The following FHIP1A variants were observed in gnomAD, a reference collection of about 807,000 sequenced individuals.
FHIP1A encodes FHF complex subunit HOOK interacting protein 1A, also known as FHF complex subunit HOOK-interacting protein 1A.
FHIP1A carries 61 observed loss-of-function variants against 88.6 expected under a neutral mutation model. The ratio of observed to expected loss-of-function variants is 0.69; its 90% CI spans 0.56 to 0.85. The LOEUF (loss-of-function observed/expected upper bound fraction) is 0.85, where lower values mean the gene tolerates loss of function less well. Ranked by LOEUF, FHIP1A falls within the 40% of genes least tolerant of loss-of-function variation. The pLI is 0.00. For synonymous variants in FHIP1A, 478 were observed against 496.0 expected (o/e 0.96, Z 0.48); for missense variants, 1,154 against 1,273.5 (o/e 0.91, Z 1.43).
chr4:151,455,466 T>G (rs1481348139), intron 2 of FHIP1A, among the ~76,000 whole-genome samples: 1 of 152,216 alleles, frequency 6.6e-6, no homozygotes, highest in African/African-American at 2.4e-5. Context: ...CTCTTTGTAA[T>G]AGTGAGGCTG....
At chr4:151,486,967 TA>T (rs72527669) in intron 3 of FHIP1A, among the ~76,000 whole-genome samples, 152 of 143,918 alleles carry the variant, frequency 1.1e-3, no homozygotes, top group Admixed American at 1.5e-3. Flanking sequence ...AAACTCCATT[TA>T]AAAAAAAAAA....
intron 2 of FHIP1A, among the ~76,000 whole-genome samples, chr4:151,468,038 A>C (rs1193960105): frequency 1.3e-5 from 2 of 151,190 alleles, no homozygotes; most frequent in African/African-American, 2.4e-5. Context: ...TAATCCCAGC[A>C]CTTGGGGAGG....
rs536906252 is a variant in FHIP1A at position 151,549,985 on chromosome 4, T to A, written c.-122-16153T>A. ...TTTTGTAATCAGAAGACTTGAAAAA[T>A]CTTTAAAAAGGGTTTATTTTTGAAA... is the stretch of plus-strand genomic sequence containing the variant. On this transcript the variant is annotated intron_variant, in intron 3 of 13. Coordinates refer to ENST00000435205, the MANE Select transcript of FHIP1A (RefSeq NM_001109977.3). 6.6e-5 allele frequency among the ~76,000 whole-genome samples: 10 copies of A among 152,298 alleles called. No individual in the cohort carries two copies. In the South Asian group the frequency reaches 1.9e-3, roughly 28 times the overall value.
chr4:151,426,711 T>A (rs1240745285), intron 1 of FHIP1A, among the ~76,000 whole-genome samples: 1 of 152,166 alleles, frequency 6.6e-6, no homozygotes, highest in African/African-American at 2.4e-5. Context: ...TCATAAAATG[T>A]CCTAATGAGC....
At chr4:151,635,557 A>G (rs1313087589) in intron 8 of FHIP1A, among the ~76,000 whole-genome samples, 1 of 151,922 alleles carries the variant, frequency 6.6e-6, no homozygotes, top group African/African-American at 2.4e-5. Flanking sequence ...CTTAAAAAAA[A>G]GAAGGAAATC....
chr4:151,533,596 G>T (rs939187440), intron 3 of FHIP1A, among the ~76,000 whole-genome samples: 16 of 152,288 alleles, frequency 1.1e-4, no homozygotes, highest in African/African-American at 3.9e-4. Flanking sequence ...CATAACATGT[G>T]ACCAGGCCTA....
At chr4:151,622,934 T>G (rs576742339) in intron 7 of FHIP1A, among the ~76,000 whole-genome samples, 3 of 152,308 alleles carry the variant, frequency 2.0e-5, no homozygotes, top group African/African-American at 4.8e-5. Context: ...TATACTCTAA[T>G]AAATTATATC....
At chr4:151,545,790 C>T (rs530869214) in intron 3 of FHIP1A, among the ~76,000 whole-genome samples, 16 of 152,030 alleles carry the variant, frequency 1.1e-4, no homozygotes, top group Non-Finnish European at 1.6e-4. Flanking sequence ...TTAAAATTTC[C>T]CTATTAAAAA....
At chr4:151,539,353 A>T (rs896980030) in intron 3 of FHIP1A, among the ~76,000 whole-genome samples, 7 of 152,086 alleles carry the variant, frequency 4.6e-5, no homozygotes, top group Admixed American at 3.3e-4. Flanking sequence ...AGGCTGAGGC[A>T]GGTGGATCAT....
intron 3 of FHIP1A, among the ~76,000 whole-genome samples, chr4:151,552,356 A>G (rs765906940): frequency 4.6e-5 from 7 of 152,188 alleles, no homozygotes; most frequent in Non-Finnish European, 8.8e-5. Context: ...AAATCATGCT[A>G]CTATAAAGTC....
In FHIP1A at chr4:151,656,747, C is replaced by T. The variant is rs547714354; in HGVS notation, c.2731-13C>T. ...TGGTGAGGCATTAACATCAGTAATG[C>T]TGTTTTTGACAGGTCCTTGCATCTG... On this transcript the variant is annotated splice_polypyrimidine_tract_variant and intron_variant, in intron 12 of 13. Transcript: ENST00000435205. This position sits in a 1 kb window ranked among gnomAD's most constrained non-coding sequence, Gnocchi z 4.2. 1 of 1,547,854 alleles carries T rather than the reference C, an allele frequency of 6.5e-7. No homozygotes were observed. The highest frequency in any genetic ancestry group is 2.4e-5 in the East Asian group (1 of 40,888).
chr4:151,610,623 G>A (rs1735285750), intron 7 of FHIP1A, among the ~76,000 whole-genome samples: 1 of 152,148 alleles, frequency 6.6e-6, no homozygotes, highest in Non-Finnish European at 1.5e-5. Context: ...CCCTGAGTGT[G>A]ATTCCAGCCT....
At chr4:151,644,739 C>G (rs909427496) in intron 9 of FHIP1A, among the ~76,000 whole-genome samples, 3 of 152,156 alleles carry the variant, frequency 2.0e-5, no homozygotes, top group Admixed American at 6.5e-5. Flanking sequence ...CTCTCCTGCT[C>G]TGATCCCTTT....
At chr4:151,548,056 A>G (rs573597181) in intron 3 of FHIP1A, among the ~76,000 whole-genome samples, 5 of 152,144 alleles carry the variant, frequency 3.3e-5, no homozygotes, top group Non-Finnish European at 7.3e-5. Context: ...GAGTGGTTTA[A>G]TGTCCTGCTG....
rs373528585 is a variant in FHIP1A, at chr4:151,558,766, A to G, written c.-122-7372A>G. ...CCCTGAAAGGGTTTTGGGGAACCCT[A>G]GGGTCCCTCAGACCACATTTGGGGA... is the stretch of plus-strand genomic sequence containing the variant. On this transcript the variant is annotated intron_variant, in intron 3 of 13. Transcript: ENST00000435205. Among the ~76,000 whole-genome samples, 49 of 152,306 alleles carry G rather than the reference A, an allele frequency of 3.2e-4. No homozygotes were observed. In the South Asian group the frequency reaches 9.9e-3, roughly 31 times the overall value.
At chr4:151,578,168 C>A in intron 5 of FHIP1A, 92 bp downstream of exon 5, 1 of 1,219,514 alleles carries the variant, frequency 8.2e-7, no homozygotes, top group Non-Finnish European at 1.1e-6. Flanking sequence ...TTTTTTTCTC[C>A]CAGTAAGTTG....
chr4:151,457,320 A>C lies in FHIP1A; in HGVS notation c.-248+2512A>C, dbSNP rs73861825. ...ATGTGTGAAGCTATTAGGTGAATTT[A>C]AGCCCTTGACCACTGACAGGTGCAT... On this transcript the variant is annotated intron_variant, in intron 2 of 13. Transcript: ENST00000435205. 7.5e-3 allele frequency among the ~76,000 whole-genome samples: 1,150 copies of C among 152,348 alleles called. 11 individuals are homozygous for C. Among genetic ancestry groups the C allele is most frequent in the African/African-American group, 0.027 (1,104 of 41,572 alleles).
At chr4:151,593,510 A>AT (rs769631637) in intron 7 of FHIP1A, among the ~76,000 whole-genome samples, 3 of 151,434 alleles carry the variant, frequency 2.0e-5, no homozygotes, top group African/African-American at 4.9e-5. Flanking sequence ...TAGATATTTT[A>AT]TTTTTTTTGT....
chr4:151,426,445 T>C (rs1198364256), intron 1 of FHIP1A, among the ~76,000 whole-genome samples: 1 of 152,202 alleles, frequency 6.6e-6, no homozygotes, highest in Non-Finnish European at 1.5e-5. Flanking sequence ...TTCTTTGTGC[T>C]TCTCAAGAAA....
Sources: allele counts gnomAD v4.1 joint callset (sites outside exome capture counted in the v4.1 genomes callset), GRCh38; gene constraint gnomAD v4.1.1; non-coding constraint Gnocchi (gnomAD v3.1); transcripts MANE v1.5; gene names NCBI Gene and HGNC (gene_info 2026-07-23, HGNC 2026-07-21).